SH3D19: variants seen among roughly 807,000 people sequenced by gnomAD.
SH3D19 encodes the protein SH3 domain containing 19, also known as SH3 domain-containing protein 19.
In SH3D19, 58 loss-of-function variants were observed where a neutral mutation model predicts 112.1. The ratio of observed to expected loss-of-function variants is 0.52; its 90% confidence interval spans 0.42 to 0.64. The LOEUF (loss-of-function observed/expected upper bound fraction) is 0.64. Among genes scored for constraint, SH3D19 ranks in the 30% least tolerant of loss-of-function variants. The probability of loss-of-function intolerance (pLI) is 0.00; values close to 1 mark genes in which losing one functional copy is unlikely to be tolerated. For synonymous variants in SH3D19, 391 were observed against 448.5 expected, an observed-to-expected ratio of 0.87 and a Z score of 1.62; for missense variants, 1,090 against 1,263.4, an observed-to-expected ratio of 0.86 and a Z score of 2.08.
Position 151,132,312 on chromosome 4 carries a change from A to G in SH3D19, c.2742+19T>C, listed in dbSNP as rs769601402. 1 of 1,612,198 alleles carries G rather than the reference A, an allele frequency of 6.2e-7. No individual in the cohort carries two copies. Among genetic ancestry groups the G allele is most frequent in the Non-Finnish European group, 8.5e-7 (1 of 1,178,488 alleles). On this transcript the variant is annotated intron_variant, in intron 17 of 19. Coordinates refer to ENST00000604030, the MANE Select transcript of SH3D19 (RefSeq NM_001378122.1). ...TCTGAACCTGGCTGTCACTATAGTC[A>G]TCTGTTCAAGCAGCCTACCTGAGAG...
chr4:151,174,739 C>A lies in SH3D19; in HGVS notation c.1465G>T (p.Asp489Tyr). ...GATGGGGTGGGCAAAACATCATCAT[C>A]AAAGCTGATGAGATCGATGTCCACC... ...PLVDIDLISFDDDVLPTPSGN... is the reference protein window; with the variant it reads ...PLVDIDLISFYDDVLPTPSGN... The change falls in exon 7 of 20, where the codon GAT (aspartate) becomes TAT (tyrosine). Residue 489 changes from aspartate to tyrosine, a missense_variant. Coordinates refer to ENST00000604030, the MANE Select transcript of SH3D19 (RefSeq NM_001378122.1). 6.6e-7 allele frequency: 1 copy of A among 1,520,960 alleles called. No individual in the cohort carries two copies. The highest frequency in any genetic ancestry group is 2.3e-5 in the East Asian group (1 of 44,024). 94.2% of individuals were successfully genotyped at this position (1,520,960 alleles called of 1,614,324 possible). A position where few individuals can be genotyped will look rare whatever the true frequency, so the allele number is the denominator to read the frequency against.
chr4:151,317,753 C>A (rs1298000185), intron 1 of SH3D19, among the ~76,000 whole-genome samples: 1 of 152,038 alleles, frequency 6.6e-6, no homozygotes, highest in Non-Finnish European at 1.5e-5. Context: ...GCAGGCACAT[C>A]ACCTGAGGTC....
chr4:151,243,967 G>A (rs879771337), intron 1 of SH3D19, among the ~76,000 whole-genome samples: 2 of 152,088 alleles, frequency 1.3e-5, no homozygotes, highest in Non-Finnish European at 2.9e-5. Context: ...AAAATTCCGT[G>A]GACCTTGAAG....
chr4:151,225,216 A>C (rs546929092), intron 2 of SH3D19, among the ~76,000 whole-genome samples: 1 of 152,240 alleles, frequency 6.6e-6, no homozygotes, highest in Non-Finnish European at 1.5e-5. Flanking sequence ...CAATCCAATG[A>C]GTACATTACT....
chr4:151,220,210 T>C (rs1471110442), intron 2 of SH3D19, among the ~76,000 whole-genome samples: 2 of 152,234 alleles, frequency 1.3e-5, no homozygotes, highest in Non-Finnish European at 2.9e-5. Flanking sequence ...AAAGTTGCCT[T>C]GGTTAGTCTT....
In SH3D19 at chr4:151,143,889, GT is replaced by G; in HGVS notation, c.2223+20del. 1 of 1,602,666 alleles carries G rather than the reference GT, an allele frequency of 6.2e-7. No homozygotes were observed. Among genetic ancestry groups the G allele is most frequent in the African/African-American group, 1.3e-5 (1 of 74,704 alleles). ...TGCTGCTATGTGTGATATGAGGGCT[GT>G]AACAATATTAATTCCTTACGTTTGG... On this transcript the variant is annotated intron_variant, in intron 12 of 19. Coordinates refer to ENST00000604030, the MANE Select transcript of SH3D19 (RefSeq NM_001378122.1).
chr4:151,131,045 C>T (rs1750581397), intron 17 of SH3D19, among the ~76,000 whole-genome samples: 1 of 152,036 alleles, frequency 6.6e-6, no homozygotes, highest in Non-Finnish European at 1.5e-5. Flanking sequence ...AATTTCCTTC[C>T]AGTCTTTTTA....
chr4:151,120,675 A>C lies in SH3D19; in HGVS notation c.*1416T>G, dbSNP rs904551261. 7.9e-5 allele frequency: 12 copies of C among 152,242 alleles called. No homozygotes were observed. Among genetic ancestry groups the C allele is most frequent in the African/African-American group, 2.7e-4 (11 of 41,454 alleles). The allele number at this position is 152,242 out of a possible 1,614,324, so 9.4% of individuals were successfully genotyped here. ...AATGGGGAGATAACTTTAGTCAAAG[A>C]CCAAGTAAATATTACCTTCTTTGCA... On this transcript the variant is annotated 3_prime_UTR_variant, in exon 20 of 20. Transcript: ENST00000604030.
chr4:151,229,802 C>T (rs13141040), intron 1 of SH3D19, among the ~76,000 whole-genome samples: 7,230 of 152,260 alleles, frequency 0.047, 234 homozygotes, highest in Middle Eastern at 0.092. Flanking sequence ...GTAATCCCAG[C>T]TACTCTGCGG....
At chr4:151,277,021 G>A in intron 1 of SH3D19, 1 of 469,806 alleles carries the variant, frequency 2.1e-6, no homozygotes, top group Non-Finnish European at 3.4e-6. Context: ...GTCCCTTCAG[G>A]ATCTGGCAGC....
At chr4:151,268,573 T>C (rs1237994760) in intron 1 of SH3D19, among the ~76,000 whole-genome samples, 2 of 144,770 alleles carry the variant, frequency 1.4e-5, no homozygotes, top group Non-Finnish European at 3.0e-5. Flanking sequence ...GTATATCTCC[T>C]AATGCTATCC....
At chr4:151,156,376 A>T (rs1191441051) in intron 9 of SH3D19, among the ~76,000 whole-genome samples, 1 of 152,224 alleles carries the variant, frequency 6.6e-6, no homozygotes, top group Admixed American at 6.5e-5. Context: ...AACAATCCTG[A>T]GCCAAAAGAA....
intron 2 of SH3D19, among the ~76,000 whole-genome samples, chr4:151,217,211 G>C (rs557488809): frequency 3.9e-4 from 60 of 152,248 alleles, no homozygotes; most frequent in African/African-American, 1.4e-3. Context: ...ATGGTATTTT[G>C]ATAGACATAC....
At chr4:151,279,377 A>G (rs1358989656) in intron 1 of SH3D19, among the ~76,000 whole-genome samples, 1 of 152,182 alleles carries the variant, frequency 6.6e-6, no homozygotes, top group African/African-American at 2.4e-5. Context: ...GTTAAATGAT[A>G]TTCCATGTGT....
chr4:151,287,317 G>C (rs1774896922), intron 1 of SH3D19, among the ~76,000 whole-genome samples: 1 of 146,664 alleles, frequency 6.8e-6, no homozygotes, highest in Non-Finnish European at 1.5e-5. Context: ...CTCCAGCCTC[G>C]GTTACAGAGC....
intron 1 of SH3D19, among the ~76,000 whole-genome samples, chr4:151,247,002 C>T (rs1413727573): frequency 6.6e-6 from 1 of 152,176 alleles, no homozygotes; most frequent in African/African-American, 2.4e-5. Context: ...TGCTGGGGTT[C>T]CAAACCAGCA....
intron 1 of SH3D19, among the ~76,000 whole-genome samples, chr4:151,268,902 T>C (rs986243974): frequency 7.9e-5 from 12 of 152,226 alleles, no homozygotes; most frequent in Admixed American, 1.3e-4. Flanking sequence ...AATAAACATA[T>C]GTGTGCATGT....
chr4:151,176,923 G>A lies in SH3D19; in HGVS notation c.269C>T (p.Pro90Leu). The change falls in exon 5 of 20, where the codon CCA (proline) becomes CTA (leucine). Residue 90 changes from proline to leucine, a missense_variant. By Grantham distance (98) the Pro-to-Leu change is moderately conservative (BLOSUM62 -3). Transcript: ENST00000604030. ...RPEITIVAAE[P>L]LRPASWFPGT... ...TGGAAACCACGAGGCTGGCCTCAGT[G>A]GCTCAGCTGCCACAATGGTGATCTC... is the stretch of plus-strand genomic sequence containing the variant. 8.1e-7 allele frequency: 1 copy of A among 1,232,236 alleles called. No homozygotes were observed. 76.3% of individuals were successfully genotyped at this position (1,232,236 alleles called of 1,614,324 possible).
chr4:151,272,567 A>G (rs1162488345), intron 1 of SH3D19, among the ~76,000 whole-genome samples: 1 of 152,220 alleles, frequency 6.6e-6, no homozygotes, highest in Non-Finnish European at 1.5e-5. Context: ...CTTAAGTGTC[A>G]TAATCTAGAG....
Sources: allele counts gnomAD v4.1 joint callset (sites outside exome capture counted in the v4.1 genomes callset), GRCh38; gene constraint gnomAD v4.1.1; transcripts MANE v1.5; gene names NCBI Gene and HGNC (gene_info 2026-07-23, HGNC 2026-07-21).